The following OC90 variants were observed in gnomAD, a reference collection of about 807,000 sequenced individuals.
The protein encoded by OC90 is otoconin 90.
Under a neutral mutation model 47.3 loss-of-function variants are expected in OC90, and 46 were observed. The ratio of observed to expected loss-of-function variants is 0.97; its 90% CI spans 0.77 to 1.24. OC90 has a LOEUF of 1.24. OC90 is among the 50% of genes most tolerant of loss of function. The pLI is 0.00. For missense variants in OC90, 688 were observed against 583.9 expected, an observed-to-expected ratio of 1.18 and a Z score of -1.84; for synonymous variants, 271 against 219.5, an observed-to-expected ratio of 1.23 and a Z score of -2.07.
At chr8:132,055,744 C>T (rs1371185382) in intron 1 of OC90, among the ~76,000 whole-genome samples, 1 of 152,134 alleles carries the variant, frequency 6.6e-6, no homozygotes, top group Non-Finnish European at 1.5e-5. Flanking sequence ...AATAGATACT[C>T]CTCGGAGGAT....
At position 132,026,732 on chromosome 8, in the gene OC90, C is replaced by T. The variant is rs1004573201; in HGVS notation, c.1139-1956G>A. On this transcript the variant is annotated intron_variant, in intron 13 of 13. Transcript: ENST00000254627. ...GAGGAAGGGAGAGCAAGGCTTCAGC[C>T]CAGCAGGTGAGACCTCCTGGCATGA... 2.0e-4 allele frequency among the ~76,000 whole-genome samples: 30 copies of T among 152,262 alleles called. 1 individual carries two copies. The highest frequency in any genetic ancestry group is 1.8e-3 in the Admixed American group (27 of 15,298).
rs1168464898 is a variant in OC90, at chr8:132,045,802, T to C, written c.112+16A>G. 15 of 1,476,752 alleles carry C rather than the reference T, an allele frequency of 1.0e-5. No homozygotes were observed. Among genetic ancestry groups the C allele is most frequent in the Non-Finnish European group, 1.3e-5 (14 of 1,078,812 alleles). The allele number at this position is 1,476,752 out of a possible 1,614,324, so 91.5% of individuals were successfully genotyped here. A position where few individuals can be genotyped will look rare whatever the true frequency, so the allele number is the denominator to read the frequency against. On this transcript the variant is annotated intron_variant, in intron 3 of 13. Coordinates refer to ENST00000254627, the MANE Select transcript of OC90 (RefSeq NM_001080399.3). ...CTTTCTACTCTGCTCCTAAGAAAAGTTCTAAGAATCCTTACTGATATTGTT... is the reference window on the plus strand; with the variant it reads ...CTTTCTACTCTGCTCCTAAGAAAAGCTCTAAGAATCCTTACTGATATTGTT...
At chr8:132,057,482 A>G (rs1042798076) in intron 1 of OC90, among the ~76,000 whole-genome samples, 4 of 152,222 alleles carry the variant, frequency 2.6e-5, no homozygotes, top group Non-Finnish European at 5.9e-5. Flanking sequence ...TATTTTTGCA[A>G]TAAGTTATAA....
At chr8:132,041,278 T>A (rs1823049271) in intron 5 of OC90, 122 bp from the exon 6 acceptor site, 3 of 689,042 alleles carry the variant, frequency 4.4e-6, no homozygotes, top group Non-Finnish European at 7.6e-6. Context: ...AAATATTCAG[T>A]GCACTAAAAT....
intron 13 of OC90, 46 bp downstream of exon 13, chr8:132,029,027 T>C: frequency 2.3e-6 from 3 of 1,318,140 alleles, no homozygotes; most frequent in Non-Finnish European, 3.3e-6. Flanking sequence ...GTCACGATGC[T>C]GACCTCAATG....
chr8:132,028,933 G>GA lies in OC90; in HGVS notation c.1138+139_1138+140insT. On this transcript the variant is annotated intron_variant, in intron 13 of 13. Transcript: ENST00000254627. ...AAGAGGAAGGAAGGAAGGAAGGGAA[G>GA]GAAGGAAGGAAAAGAAAGAAAGAAG... The GA allele has an allele frequency of 3.8e-6, 2 of 523,202 alleles. 1 individual carries two copies. Among genetic ancestry groups the GA allele is most frequent in the Non-Finnish European group, 6.6e-6 (2 of 302,202 alleles). The allele number at this position is 523,202 out of a possible 1,614,324, so 32.4% of individuals were successfully genotyped here. A position where few individuals can be genotyped will look rare whatever the true frequency, so the allele number is the denominator to read the frequency against.
At chr8:132,028,870 G>C (rs571058121) in intron 13 of OC90, among the ~76,000 whole-genome samples, 1 of 141,478 alleles carries the variant, frequency 7.1e-6, no homozygotes. Flanking sequence ...AGGAAGGAAG[G>C]GAAGGAAGGA....
intron 2 of OC90, among the ~76,000 whole-genome samples, chr8:132,051,318 T>A (rs75215758): frequency 2.0e-4 from 31 of 152,354 alleles, no homozygotes; most frequent in Non-Finnish European, 4.3e-4. Flanking sequence ...TTTTGAAGCA[T>A]CCTTCACTCA....
intron 13 of OC90, among the ~76,000 whole-genome samples, chr8:132,028,778 AAGAG>A (rs1325183259): frequency 2.8e-5 from 4 of 141,890 alleles, no homozygotes; most frequent in Non-Finnish European, 4.6e-5. Context: ...GAAAGAAAGA[AAGAG>A]AGGAAGAAAG....
intron 13 of OC90, among the ~76,000 whole-genome samples, chr8:132,026,443 A>G (rs1381248941): frequency 6.6e-6 from 1 of 152,196 alleles, no homozygotes; most frequent in East Asian, 1.9e-4. Flanking sequence ...AAGTGACAAG[A>G]AGAGGAGGAA....
At chr8:132,051,385 T>G (rs1019801029) in intron 2 of OC90, among the ~76,000 whole-genome samples, 3 of 152,230 alleles carry the variant, frequency 2.0e-5, no homozygotes, top group African/African-American at 7.2e-5. Flanking sequence ...AAGGACACCT[T>G]CTACAATTAT....
Position 132,024,710 on chromosome 8 carries a change from G to T in OC90, c.1205C>A (p.Thr402Asn), listed in dbSNP as rs1450216908. The part of the protein sequence containing the change: ...ACDQTAAECM[T>N]SASFNQSLKS... ...GAGGCTTTGGTTAAAGGAGGCAGAG[G>T]TCATGCACTCAGCTGCCGTCTGGTC... Residue 402 changes from threonine (T) to asparagine (N), a missense_variant, in exon 14 of 14, where the codon ACC (threonine) becomes AAC (asparagine). By Grantham distance (65) the Thr-to-Asn change is moderately conservative. Coordinates refer to ENST00000254627, the MANE Select transcript of OC90 (RefSeq NM_001080399.3). 3 of 1,613,726 alleles carry T rather than the reference G, an allele frequency of 1.9e-6. No individual in the cohort carries two copies. The highest frequency in any genetic ancestry group is 2.2e-5 in the South Asian group (2 of 91,048).
intron 1 of OC90, among the ~76,000 whole-genome samples, chr8:132,056,864 T>G (rs772020666): frequency 3.3e-4 from 50 of 152,164 alleles, no homozygotes; most frequent in Non-Finnish European, 4.9e-4. Flanking sequence ...GTCAGGTATT[T>G]TATTGTGACC....
chr8:132,028,593 AGGAAGGAGGGAAGGAGGGAAGG>A (rs1822804170), intron 13 of OC90, among the ~76,000 whole-genome samples: 2 of 35,672 alleles, frequency 5.6e-5, no homozygotes, highest in African/African-American at 1.6e-4. Flanking sequence ...GAAGGAAGGA[AGGAAGGAGGGAAGGAGGGAAGG>A]AGGAAGGAAG....
intron 9 of OC90, chr8:132,036,400 G>A (rs750089763): frequency 1.0e-5 from 8 of 780,828 alleles, no homozygotes; most frequent in African/African-American, 1.7e-5. Flanking sequence ...CAGTCTGTCA[G>A]CCTCAGTCTC....
rs16904575 is a variant in OC90, at chr8:132,030,266, T to A, written c.1032-1087A>T. ...ATAAAATCACTGAAATTGTCCATCA[T>A]GTACAGTATATGTGGTCTTGAAAAT... On this transcript the variant is annotated intron_variant, in intron 12 of 13. Transcript: ENST00000254627. Among the ~76,000 whole-genome samples the A allele has an allele frequency of 6.5e-4, 99 of 152,352 alleles. No homozygotes were observed. In the East Asian group the frequency reaches 0.017, roughly 26 times the overall value.
At chr8:132,056,384 C>T (rs1433111424) in intron 1 of OC90, among the ~76,000 whole-genome samples, 2 of 152,194 alleles carry the variant, frequency 1.3e-5, no homozygotes, top group Non-Finnish European at 2.9e-5. Flanking sequence ...GTTGTACAAT[C>T]ACTACTCTAT....
intron 2 of OC90, among the ~76,000 whole-genome samples, chr8:132,052,573 G>T (rs370342549): frequency 6.6e-6 from 1 of 152,114 alleles, no homozygotes; most frequent in Non-Finnish European, 1.5e-5. Context: ...ACTCCCACAC[G>T]TTATTATTAG....
intron 1 of OC90, 73 bp from the exon 2 acceptor site, chr8:132,055,146 T>G (rs1329102329): frequency 1.5e-5 from 12 of 780,488 alleles, no homozygotes; most frequent in Admixed American, 2.8e-5. Flanking sequence ...GGGACCCCCA[T>G]GTCCTTTCTT....
Sources: allele counts gnomAD v4.1 joint callset (sites outside exome capture counted in the v4.1 genomes callset), GRCh38; gene constraint gnomAD v4.1.1; transcripts MANE v1.5; gene names NCBI Gene and HGNC (gene_info 2026-07-23, HGNC 2026-07-21).